Variants in ATP1A4 observed in about 807,000 individuals in gnomAD.
ATP1A4 encodes the protein ATPase Na+/K+ transporting subunit alpha 4.
ATP1A4 carries 90 observed loss-of-function variants against 114.3 expected under a neutral mutation model. The observed-to-expected ratio is 0.79, with a 90% confidence interval of 0.66 to 0.94. ATP1A4 has a LOEUF of 0.94. ATP1A4 is among the 40% of genes least tolerant of loss of function. ATP1A4 has a pLI of 0.00. For synonymous variants in ATP1A4, 511 were observed against 494.1 expected, an observed-to-expected ratio of 1.03 and a Z score of -0.45; for missense variants, 1,222 against 1,313.6, an observed-to-expected ratio of 0.93 and a Z score of 1.08.
chr1:160,155,281 A>C, intron 3 of ATP1A4, 33 bp downstream of exon 3: 1 of 1,576,774 alleles, frequency 6.3e-7, no homozygotes, highest in Non-Finnish European at 8.7e-7. Flanking sequence ...AGCCAGCCCT[A>C]TCTCTGCTTA....
rs534198954 is a variant in ATP1A4, at chr1:160,161,272, A to G, written c.778+1746A>G. Among the ~76,000 whole-genome samples, 57 of 152,326 alleles carry G rather than the reference A, an allele frequency of 3.7e-4. 1 individual carries two copies. In the South Asian group the frequency reaches 0.012, roughly 32 times the overall value. ...TTAGACCAATTTGCAAATTAGTAGC[A>G]TAACTTTAACCTTTACCCTTGCCTC... On this transcript the variant is annotated intron_variant, in intron 6 of 21. Coordinates refer to ENST00000368081, the MANE Select transcript of ATP1A4 (RefSeq NM_144699.4).
In ATP1A4 at chr1:160,186,311, T is replaced by G; in HGVS notation, c.3005T>G (p.Ile1002Ser). The change falls in exon 21 of 22, where the codon ATT becomes AGT. Residue 1002 changes from isoleucine (I) to serine (S), a missense_variant. Transcript: ENST00000368081. ...TWWLCAIPYS[I>S]LIFVYDEIRK... The stretch of plus-strand genomic sequence containing the variant: ...TGGCTCTGTGCCATTCCCTACAGTA[T>G]TCTCATCTTCGTCTATGATGAAATC... 1 of 1,613,702 alleles carries G rather than the reference T, an allele frequency of 6.2e-7. No individual in the cohort carries two copies. The highest frequency in any genetic ancestry group is 8.5e-7 in the Non-Finnish European group (1 of 1,179,956).
chr1:160,176,403 A>T (rs1557806144), intron 16 of ATP1A4, 76 bp from the exon 17 acceptor site: 1 of 1,607,248 alleles, frequency 6.2e-7, no homozygotes, highest in Admixed American at 1.7e-5. Flanking sequence ...TCAAGACAGA[A>T]TGGTAGAGCT....
chr1:160,184,610 A>G (rs1164944049), intron 20 of ATP1A4, among the ~76,000 whole-genome samples: 1 of 152,228 alleles, frequency 6.6e-6, no homozygotes, highest in Non-Finnish European at 1.5e-5. Context: ...TTTAACTGAT[A>G]TATTGATATC....
chr1:160,167,574 C>A (rs567829556), intron 10 of ATP1A4, 162 bp downstream of exon 10: 64 of 990,096 alleles, frequency 6.5e-5, no homozygotes, highest in Non-Finnish European at 9.2e-5. Context: ...GAGAACGTGA[C>A]AAACAGGTAA....
At chr1:160,170,248 A>C (rs1653196450) in intron 10 of ATP1A4, 1 of 152,126 alleles carries the variant, frequency 6.6e-6, no homozygotes, top group African/African-American at 2.4e-5. Context: ...AGCATGGTAA[A>C]ACCCCCGTCT....
chr1:160,171,825 CGCA>C, intron 12 of ATP1A4, 68 bp downstream of exon 12: 1 of 1,509,040 alleles, frequency 6.6e-7, no homozygotes, highest in Non-Finnish European at 9.0e-7. Context: ...GAAGGCCTTG[CGCA>C]GAGTAGATGC....
rs1652962355 is a variant in ATP1A4, at chr1:160,164,345, A to G, written c.968A>G (p.Tyr323Cys). The G allele has an allele frequency of 3.1e-6, 5 of 1,614,120 alleles. No homozygotes were observed. The highest frequency in any genetic ancestry group is 2.7e-5 in the African/African-American group (2 of 75,032). Residue 323 changes from tyrosine (Y) to cysteine (C), a missense_variant, in exon 7 of 22, where the codon TAT (tyrosine) becomes TGT (cysteine). Coordinates refer to ENST00000368081, the MANE Select transcript of ATP1A4 (RefSeq NM_144699.4). ...TTTGCGCTCTCACTTCTCTTGGGCT[A>G]TGGTTGGCTGGAGGCTATCATTTTT... ...TFFALSLLLG[Y>C]GWLEAIIFLI...
At chr1:160,176,732 C>T in intron 17 of ATP1A4, 130 bp downstream of exon 17, 1 of 1,221,724 alleles carries the variant, frequency 8.2e-7, no homozygotes. Flanking sequence ...CCTGAAAACA[C>T]AAAGAACCAC....
chr1:160,178,175 G>A (rs1806819), intron 18 of ATP1A4, among the ~76,000 whole-genome samples: 27,529 of 151,394 alleles, frequency 0.18, 2,746 homozygotes, highest in Admixed American at 0.28. Flanking sequence ...GGCCAACATG[G>A]AGATACCCCG....
chr1:160,167,080 G>A lies in ATP1A4; in HGVS notation c.1356+3G>A, dbSNP rs776996650. The A allele has an allele frequency of 5.6e-6, 9 of 1,613,774 alleles. No homozygotes were observed. Among genetic ancestry groups the A allele is most frequent in the East Asian group, 2.2e-5 (1 of 44,870 alleles). On this transcript the variant is annotated splice_donor_region_variant and intron_variant, in intron 9 of 21. Coordinates refer to ENST00000368081, the MANE Select transcript of ATP1A4 (RefSeq NM_144699.4). ...AGGAGATCCTGCCCATTGCTAAGGT[G>A]TCAGGCCCAAGGGGAAGAGGGTACC...
rs1571021656 is a variant in ATP1A4 at position 160,167,494 on chromosome 1, C to T, written c.1491+82C>T. 1.0e-5 allele frequency: 16 copies of T among 1,564,326 alleles called. No individual in the cohort carries two copies. The East Asian group carries it at 3.6e-4, about 35-fold the overall frequency. ...ACAAGGGGAGCTTTGCCTCTGCCTT[C>T]AACTTCACCTCGGAGAAGCAGAGGA... On this transcript the variant is annotated intron_variant, in intron 10 of 21. Coordinates refer to ENST00000368081, the MANE Select transcript of ATP1A4 (RefSeq NM_144699.4).
intron 18 of ATP1A4, 124 bp downstream of exon 18, chr1:160,177,788 T>C (rs1653534417): frequency 1.8e-6 from 2 of 1,092,514 alleles, no homozygotes; most frequent in South Asian, 1.5e-5. Flanking sequence ...CTGATGCCTT[T>C]TCTTCAGTCC....
intron 4 of ATP1A4, among the ~76,000 whole-genome samples, chr1:160,157,767 T>TGACAAA (rs1447651335): frequency 2.0e-5 from 3 of 152,046 alleles, no homozygotes; most frequent in Non-Finnish European, 4.4e-5. Context: ...TGGGGTGAAA[T>TGACAAA]GTTAATAGGT....
At chr1:160,186,592 C>T (rs1258224185) in intron 21 of ATP1A4, 79 bp from the exon 22 acceptor site, 6 of 1,526,324 alleles carry the variant, frequency 3.9e-6, no homozygotes, top group Non-Finnish European at 4.5e-6. Context: ...AACCTTGTCC[C>T]TGCTTTCCCT....
At chr1:160,182,192 A>C (rs1653731161) in intron 20 of ATP1A4, among the ~76,000 whole-genome samples, 161 bp downstream of exon 20, 1 of 152,204 alleles carries the variant, frequency 6.6e-6, no homozygotes, top group African/African-American at 2.4e-5. Context: ...TGCTCTGATA[A>C]GTGGATCTTA....
rs73025536 is a variant in ATP1A4 at position 160,163,817 on chromosome 1, A to C, written c.779-339A>C. On this transcript the variant is annotated intron_variant, in intron 6 of 21. Coordinates refer to ENST00000368081, the MANE Select transcript of ATP1A4 (RefSeq NM_144699.4). ...CTGCAAGTTCCAACTCTCTAATCACATGGTTATCTGCCCTGGCCACCAGCC... is the reference window on the plus strand; with the variant it reads ...CTGCAAGTTCCAACTCTCTAATCACCTGGTTATCTGCCCTGGCCACCAGCC... Among the ~76,000 whole-genome samples the C allele has an allele frequency of 4.6e-5, 7 of 152,164 alleles. No homozygotes were observed. In the East Asian group the frequency reaches 1.4e-3, roughly 29 times the overall value.
Position 160,166,663 on chromosome 1 carries a change from A to G in ATP1A4, c.1183A>G (p.Thr395Ala). 1 of 1,614,204 alleles carries G rather than the reference A, an allele frequency of 6.2e-7. No individual in the cohort carries two copies. Among genetic ancestry groups the G allele is most frequent in the Non-Finnish European group, 8.5e-7 (1 of 1,180,040 alleles). The change falls in exon 8 of 22, where the codon ACC becomes GCC. Residue 395 changes from threonine (T) to alanine (A), a missense_variant. By Grantham distance (58) the Thr-to-Ala change is moderately conservative (BLOSUM62 0). Transcript: ENST00000368081. ...KTGTLTQNRM[T>A]VAHMWFDMTV... The stretch of plus-strand genomic sequence containing the variant: ...GGGCACCCTCACCCAGAACCGCATG[A>G]CCGTCGCCCACATGTGGTTTGATAT...
At chr1:160,152,909 C>A (rs1358969720) in intron 1 of ATP1A4, among the ~76,000 whole-genome samples, 1 of 152,104 alleles carries the variant, frequency 6.6e-6, no homozygotes, top group Non-Finnish European at 1.5e-5. Flanking sequence ...TGATGGGCCC[C>A]TGTAATCCCA....
Sources: gnomAD v4.1 joint callset for allele counts (sites outside exome capture counted in the v4.1 genomes callset) on GRCh38, gnomAD v4.1.1 for gene constraint, MANE v1.5 for transcripts, NCBI Gene and HGNC (gene_info 2026-07-23, HGNC 2026-07-21) for gene names.